Variants in CCAR2 observed in about 807,000 individuals in gnomAD.
CCAR2 encodes the protein cell cycle and apoptosis regulator protein 2.
CCAR2 carries 21 observed loss-of-function variants against 108.1 expected under a neutral mutation model. The ratio of observed to expected loss-of-function variants is 0.19; its 90% CI spans 0.14 to 0.28. The LOEUF (loss-of-function observed/expected upper bound fraction) is 0.28, where lower values mean the gene tolerates loss of function less well. Ranked by LOEUF, CCAR2 falls within the 10% of genes least tolerant of loss-of-function variation. The probability of loss-of-function intolerance (pLI) is 1.00; values close to 1 mark genes in which losing one functional copy is unlikely to be tolerated. For missense variants in CCAR2, 1,126 were observed against 1,177.0 expected, an observed-to-expected ratio of 0.96 and a Z score of 0.63; for synonymous variants, 577 against 472.8, an observed-to-expected ratio of 1.22 and a Z score of -2.86.
chr8:22,617,982 G>T (rs1255355863), intron 16 of CCAR2, among the ~76,000 whole-genome samples: 1 of 152,198 alleles, frequency 6.6e-6, no homozygotes, highest in Non-Finnish European at 1.5e-5. Context: ...TGGGAGAGGG[G>T]TATTTGATCC....
At chr8:22,606,547 A>C (rs1801086750) in intron 3 of CCAR2, 60 bp from the exon 4 acceptor site, 1 of 1,351,174 alleles carries the variant, frequency 7.4e-7, no homozygotes, top group Non-Finnish European at 1.1e-6. Context: ...CCTTCATGGC[A>C]GAGTGTGATT....
chr8:22,608,251 A>G (rs1411431269), intron 7 of CCAR2, among the ~76,000 whole-genome samples, 186 bp downstream of exon 7: 2 of 152,204 alleles, frequency 1.3e-5, no homozygotes, highest in East Asian at 1.9e-4. Context: ...GTATGTAGAC[A>G]CAACTGAAAT....
intron 14 of CCAR2, 137 bp from the exon 15 acceptor site, chr8:22,617,283 A>G: frequency 2.0e-6 from 2 of 994,364 alleles, no homozygotes; most frequent in Non-Finnish European, 2.8e-6. Context: ...AATTAAATAC[A>G]TGAAATGAGA....
In CCAR2 at chr8:22,615,925, A is replaced by C. The variant is rs780983224; in HGVS notation, c.1608+13A>C. On this transcript the variant is annotated intron_variant, in intron 13 of 20. Transcript: ENST00000308511. ...GATCTCTTTTGAGGCAGGTGTCAAG[A>C]GTCTTGGGGAGGCTGTGGGCTGGGA... 20 of 1,613,548 alleles carry C rather than the reference A, an allele frequency of 1.2e-5. No homozygotes were observed. The highest frequency in any genetic ancestry group is 1.7e-5 in the Non-Finnish European group (20 of 1,179,652).
At chr8:22,612,255 G>A (rs1309968477) in intron 7 of CCAR2, among the ~76,000 whole-genome samples, 4 of 135,496 alleles carry the variant, frequency 3.0e-5, no homozygotes, top group African/African-American at 8.4e-5. Context: ...CCTTGTAACC[G>A]TCTCTTCTAA....
Position 22,606,248 on chromosome 8 carries a change from C to G in CCAR2, c.150+72C>G. ...TGCATGGAGGCCTGGTGCTCTTTTT[C>G]TCTTACATAATAGTGTTTATCATTC... is the stretch of plus-strand genomic sequence containing the variant. On this transcript the variant is annotated intron_variant, in intron 3 of 20. Coordinates refer to ENST00000308511, the MANE Select transcript of CCAR2 (RefSeq NM_001393997.1). 2.4e-6 allele frequency: 3 copies of G among 1,230,298 alleles called. No individual in the cohort carries two copies. The South Asian group carries it at 3.6e-5, about 15-fold the overall frequency. The allele number at this position is 1,230,298 out of a possible 1,614,324, so 76.2% of individuals were successfully genotyped here.
At chr8:22,609,016 T>C (rs1801183154) in intron 7 of CCAR2, among the ~76,000 whole-genome samples, 1 of 151,994 alleles carries the variant, frequency 6.6e-6, no homozygotes, top group South Asian at 2.1e-4. Flanking sequence ...TTTTGACAAA[T>C]GGGAAATGTT....
chr8:22,612,362 G>T (rs1429119418), intron 7 of CCAR2, among the ~76,000 whole-genome samples: 1 of 152,012 alleles, frequency 6.6e-6, no homozygotes, highest in Non-Finnish European at 1.5e-5. Flanking sequence ...CTACCTTCTG[G>T]GTTCAAGCGA....
At chr8:22,606,444 C>CCCTAATGATGGAGTATGCCCACCACA (rs1195591489) in intron 3 of CCAR2, among the ~76,000 whole-genome samples, 163 bp from the exon 4 acceptor site, 24 of 152,160 alleles carry the variant, frequency 1.6e-4, no homozygotes, top group Non-Finnish European at 3.5e-4. Context: ...ATGCCCCAAC[C>CCCTAATGATGGAGTATGCCCACCACA]CCTAATGATG....
At chr8:22,618,756 T>A in intron 18 of CCAR2, 28 bp downstream of exon 18, 1 of 1,613,462 alleles carries the variant, frequency 6.2e-7, no homozygotes, top group Admixed American at 1.7e-5. Flanking sequence ...GCAGCCTTCC[T>A]GGGGCACGGG....
At chr8:22,611,289 A>C (rs1585156947) in intron 7 of CCAR2, among the ~76,000 whole-genome samples, 1 of 147,204 alleles carries the variant, frequency 6.8e-6, no homozygotes, top group Admixed American at 7.0e-5. Context: ...TGAACCCGGG[A>C]GGCAGAAGTT....
In CCAR2 at chr8:22,619,670, A is replaced by C; in HGVS notation, c.2760A>C (p.Ala920=). The part of the protein sequence containing the change: ...ADSWVEKEEP[A]PSN ...GCTGGGTGGAGAAGGAGGAGCCGGCACCTAGCAACTGACGGCCTCGCACGG... is the reference window on the plus strand; with the variant it reads ...GCTGGGTGGAGAAGGAGGAGCCGGCCCCTAGCAACTGACGGCCTCGCACGG... The change falls in exon 21 of 21, where the codon GCA becomes GCC. Residue 920 remains alanine, a synonymous_variant. Transcript: ENST00000308511. The C allele has an allele frequency of 6.4e-7, 1 of 1,574,596 alleles. No homozygotes were observed. Among genetic ancestry groups the C allele is most frequent in the South Asian group, 1.2e-5 (1 of 85,900 alleles).
rs1801282970 is a variant in CCAR2, at chr8:22,611,506, TTAAAGG to T, written c.585-1507_585-1502del. ...TGTGTGGTTTCTACCTTCTTTCTCT[TTAAAGG>T]TAACTGTTGTTAACAGGTAGGTATT... On this transcript the variant is annotated intron_variant, in intron 7 of 20. Transcript: ENST00000308511. 2.6e-5 allele frequency among the ~76,000 whole-genome samples: 4 copies of T among 152,046 alleles called. No homozygotes were observed. In the South Asian group the frequency reaches 6.2e-4, roughly 24 times the overall value.
At chr8:22,606,497 T>C in intron 3 of CCAR2, 110 bp from the exon 4 acceptor site, 1 of 835,744 alleles carries the variant, frequency 1.2e-6, no homozygotes, top group Admixed American at 2.0e-5. Flanking sequence ...TGCGAACTCT[T>C]GATGCAGTAC....
Position 22,613,023 on chromosome 8 carries a change from C to G in CCAR2, c.591C>G (p.Asp197Glu). 1 of 1,612,850 alleles carries G rather than the reference C, an allele frequency of 6.2e-7. No homozygotes were observed. Among genetic ancestry groups the G allele is most frequent in the South Asian group, 1.1e-5 (1 of 90,902 alleles). ...HGRLDQGRSDDYDSKKRKQRA... is the reference protein window; with the variant it reads ...HGRLDQGRSDEYDSKKRKQRA... ...GTGATGGGTCAACCTCTAGTGATGA[C>G]TATGACTCCAAGAAACGCAAACAGC... Residue 197 changes from aspartate (D) to glutamate (E), a missense_variant, in exon 8 of 21, where the codon GAC (aspartate) becomes GAG (glutamate). Physicochemically the swap from Asp to Glu is conservative, Grantham distance 45. Coordinates refer to ENST00000308511, the MANE Select transcript of CCAR2 (RefSeq NM_001393997.1).
At position 22,606,982 on chromosome 8, in the gene CCAR2, A is replaced by G. The variant is rs1563904746; in HGVS notation, c.315A>G (p.Ala105=). The change falls in exon 5 of 21, where the codon GCA becomes GCG. Residue 105 remains alanine, a synonymous_variant. Coordinates refer to ENST00000308511, the MANE Select transcript of CCAR2 (RefSeq NM_001393997.1). ...AGGCTGCATACAACCCAGGCCAGGC[A>G]GTGCCCTGGAATGCTGTCAAGGTGC... The part of the protein sequence containing the change: ...LVKAAYNPGQ[A]VPWNAVKVQT... The G allele has an allele frequency of 6.2e-7, 1 of 1,614,156 alleles. No homozygotes were observed. Among genetic ancestry groups the G allele is most frequent in the Non-Finnish European group, 8.5e-7 (1 of 1,180,034 alleles).
Position 22,615,919 on chromosome 8 carries a change from G to A in CCAR2, c.1608+7G>A. ...GGAAAGGATCTCTTTTGAGGCAGGTGTCAAGAGTCTTGGGGAGGCTGTGGG... is the reference window on the plus strand; with the variant it reads ...GGAAAGGATCTCTTTTGAGGCAGGTATCAAGAGTCTTGGGGAGGCTGTGGG... On this transcript the variant is annotated splice_region_variant and intron_variant, in intron 13 of 20. Coordinates refer to ENST00000308511, the MANE Select transcript of CCAR2 (RefSeq NM_001393997.1). 1.2e-6 allele frequency: 2 copies of A among 1,614,010 alleles called. No homozygotes were observed. Among genetic ancestry groups the A allele is most frequent in the African/African-American group, 1.3e-5 (1 of 75,012 alleles).
At chr8:22,613,263 T>G (rs1801363872) in intron 8 of CCAR2, 127 bp downstream of exon 8, 1 of 1,045,106 alleles carries the variant, frequency 9.6e-7, no homozygotes, top group African/African-American at 1.6e-5. Flanking sequence ...GAAAAGCACA[T>G]GGAAACCTGT....
intron 3 of CCAR2, among the ~76,000 whole-genome samples, 165 bp from the exon 4 acceptor site, chr8:22,606,442 A>G (rs893400047): frequency 1.3e-5 from 2 of 152,148 alleles, no homozygotes; most frequent in Non-Finnish European, 2.9e-5. Context: ...ACATGCCCCA[A>G]CCCCTAATGA....
Sources: allele counts gnomAD v4.1 joint callset (sites outside exome capture counted in the v4.1 genomes callset), GRCh38; gene constraint gnomAD v4.1.1; transcripts MANE v1.5; gene names NCBI Gene and HGNC (gene_info 2026-07-23, HGNC 2026-07-21).